ADH1A: variants seen among roughly 807,000 people sequenced by gnomAD.
ADH1A encodes the protein alcohol dehydrogenase 1A.
In ADH1A, 29 loss-of-function variants were observed where a neutral mutation model predicts 35.2. That is an observed-to-expected ratio of 0.82 (90% confidence interval 0.61 to 1.12). The LOEUF is 1.12. ADH1A is among the 50% of genes most tolerant of loss of function. The pLI is 0.00. For missense variants in ADH1A, 469 were observed against 464.7 expected (o/e 1.01, Z -0.09); for synonymous variants, 147 against 164.8 (o/e 0.89, Z 0.83).
At chr4:99,278,236 G>T (rs536185986) in intron 8 of ADH1A, among the ~76,000 whole-genome samples, 1 of 152,104 alleles carries the variant, frequency 6.6e-6, no homozygotes, top group African/African-American at 2.4e-5. Context: ...TGATGATCAC[G>T]ATGATGATGT....
rs1733096083 is a variant in ADH1A, at chr4:99,284,557, G to C, written c.409C>G (p.Pro137Ala). ...GTSRFTCRRK[P>A]IHHFLGISTF... is the part of the protein sequence containing the mutation. ...CTGATGCCAAGGAAGTGGTGGATGG[G>C]CTTCCTCCTGCAGGTGAACCTGCTG... Residue 137 changes from proline to alanine, a missense_variant, in exon 5 of 9, where the codon CCC becomes GCC. Coordinates refer to ENST00000209668, the MANE Select transcript of ADH1A (RefSeq NM_000667.4). 1 of 1,614,216 alleles carries C rather than the reference G, an allele frequency of 6.2e-7. No individual in the cohort carries two copies. Among genetic ancestry groups the C allele is most frequent in the Admixed American group, 1.7e-5 (1 of 60,032 alleles).
Position 99,280,178 on chromosome 4 carries a change from C to T in ADH1A, c.930G>A (p.Leu310=). ...TAGCTCCCTTCCAGGTACGTCCAGTCAGTAGCAGCATAGGGTTCATTGAGA... is the reference window on the plus strand; with the variant it reads ...TAGCTCCCTTCCAGGTACGTCCAGTTAGTAGCAGCATAGGGTTCATTGAGA... The part of the protein sequence containing the change: ...QNLSMNPMLL[L]TGRTWKGAIL... Residue 310 remains leucine, a synonymous_variant, in exon 7 of 9, where the codon CTG becomes CTA. Transcript: ENST00000209668. 1 of 1,613,844 alleles carries T rather than the reference C, an allele frequency of 6.2e-7. No homozygotes were observed. Among genetic ancestry groups the T allele is most frequent in the Non-Finnish European group, 8.5e-7 (1 of 1,179,814 alleles).
chr4:99,282,671 A>C, intron 5 of ADH1A, 65 bp from the exon 6 acceptor site: 1 of 1,557,992 alleles, frequency 6.4e-7, no homozygotes, highest in Non-Finnish European at 8.7e-7. Flanking sequence ...CTTAGTGTTT[A>C]TCAAAAGCTG....
In ADH1A at chr4:99,284,767, C is replaced by T; in HGVS notation, c.296G>A (p.Gly99Glu). ...KVIPLAIPQC[G>E]KCRICKNPES... is the part of the protein sequence containing the mutation. Reference sequence around the variant, plus strand: ...CGGGTTTTTACAAATTCTGCATTTTCCACACTGAGGAATAGCGAGTGGGAT... The same window carrying T: ...CGGGTTTTTACAAATTCTGCATTTTTCACACTGAGGAATAGCGAGTGGGAT... Residue 99 changes from glycine to glutamate, a missense_variant, in exon 4 of 9, where the codon GGA (glycine) becomes GAA (glutamate). Gly to Glu is a moderately conservative substitution (Grantham distance 98). Coordinates refer to ENST00000209668, the MANE Select transcript of ADH1A (RefSeq NM_000667.4). 2.5e-6 allele frequency: 4 copies of T among 1,614,176 alleles called. No individual in the cohort carries two copies. The highest frequency in any genetic ancestry group is 1.3e-5 in the African/African-American group (1 of 75,046).
chr4:99,290,958 T>G lies in ADH1A; in HGVS notation c.-44A>C. 2.5e-6 allele frequency: 4 copies of G among 1,611,336 alleles called. No individual in the cohort carries two copies. Among genetic ancestry groups the G allele is most frequent in the Non-Finnish European group, 3.4e-6 (4 of 1,177,548 alleles). On this transcript the variant is annotated 5_prime_UTR_variant, in exon 1 of 9. Coordinates refer to ENST00000209668, the MANE Select transcript of ADH1A (RefSeq NM_000667.4). ...GCAGACCAGGAGACTGGTGAGTCCT[T>G]GTGGATTTCTTCCCTGCTCAAGTGC... is the stretch of plus-strand genomic sequence containing the variant.
intron 8 of ADH1A, among the ~76,000 whole-genome samples, chr4:99,277,850 C>A (rs1022722773): frequency 6.6e-6 from 1 of 152,044 alleles, no homozygotes; most frequent in African/African-American, 2.4e-5. Flanking sequence ...AGTAAACATG[C>A]TGAAACACAT....
At chr4:99,281,999 A>G (rs12512053) in intron 6 of ADH1A, 24,864 of 275,896 alleles carry the variant, frequency 0.09, 1,612 homozygotes, top group Admixed American at 0.24. Flanking sequence ...AATGTGGCAG[A>G]AAAATAAAAC....
chr4:99,283,403 C>T (rs1579491478), intron 5 of ADH1A, among the ~76,000 whole-genome samples: 1 of 152,074 alleles, frequency 6.6e-6, no homozygotes, highest in Non-Finnish European at 1.5e-5. Flanking sequence ...TCCCATAGTC[C>T]GCCTTCATTT....
At chr4:99,279,143 G>A (rs1468090850) in intron 8 of ADH1A, among the ~76,000 whole-genome samples, 3 of 151,166 alleles carry the variant, frequency 2.0e-5, no homozygotes, top group African/African-American at 7.3e-5. Flanking sequence ...TTTTGGCAAA[G>A]GTGATTGTTC....
At position 99,282,978 on chromosome 4, in the gene ADH1A, C is replaced by T. The variant is rs141829150; in HGVS notation, c.568-372G>A. On this transcript the variant is annotated intron_variant, in intron 5 of 8. Transcript: ENST00000209668. ...GTGATTACAATCTTGAAGGGACTCT[C>T]GATTGCTGAAATCCCTTGATAGCCA... Among the ~76,000 whole-genome samples, 184 of 152,248 alleles carry T rather than the reference C, an allele frequency of 1.2e-3. 2 individuals carry two copies. Among genetic ancestry groups the T allele is most frequent in the African/African-American group, 4.0e-3 (166 of 41,552 alleles).
chr4:99,290,187 C>T (rs1398861828), intron 1 of ADH1A, among the ~76,000 whole-genome samples: 1 of 152,048 alleles, frequency 6.6e-6, no homozygotes, highest in South Asian at 2.1e-4. Context: ...AAGGCAAAAC[C>T]AAATATCTGT....
Position 99,284,614 on chromosome 4 carries a change from T to A in ADH1A, c.352A>T (p.Ser118Cys), listed in dbSNP as rs1304437183. The A allele has an allele frequency of 1.9e-6, 3 of 1,614,186 alleles. No individual in the cohort carries two copies. The Admixed American group carries it at 5.0e-5, about 27-fold the overall frequency. The change falls in exon 5 of 9, where the codon AGC becomes TGC. Residue 118 changes from serine (S) to cysteine (C), a missense_variant. Physicochemically the swap from Ser to Cys is moderately radical, Grantham distance 112. Transcript: ENST00000209668. Reference protein sequence around the residue: ...ESNYCLKNDVSNPQGTLQDGT... With the variant: ...ESNYCLKNDVCNPQGTLQDGT... ...TCCTGCAGGGTCCCCTGAGGATTGC[T>A]TACACTGGACAGTGCAATACAAAGA...
At chr4:99,287,009 G>A (rs1405950907) in intron 2 of ADH1A, 21 bp from the exon 3 acceptor site, 1 of 1,598,316 alleles carries the variant, frequency 6.3e-7, no homozygotes, top group Middle Eastern at 1.7e-4. Context: ...AAGAGAAGAT[G>A]TTTATAAAAG....
At chr4:99,284,278 CT>C in intron 5 of ADH1A, 120 bp downstream of exon 5, 1 of 1,077,426 alleles carries the variant, frequency 9.3e-7, no homozygotes, top group Non-Finnish European at 1.4e-6. Context: ...GATTGTGTTT[CT>C]ATTCTTAGTC....
intron 8 of ADH1A, among the ~76,000 whole-genome samples, chr4:99,277,919 G>A (rs1732908515): frequency 6.6e-6 from 1 of 151,956 alleles, no homozygotes; most frequent in Non-Finnish European, 1.5e-5. Context: ...TGGAATTGCT[G>A]GAACAAAAGA....
At chr4:99,288,537 A>G (rs1032879348) in intron 1 of ADH1A, 5 of 152,222 alleles carry the variant, frequency 3.3e-5, no homozygotes, top group African/African-American at 1.2e-4. Context: ...GTGGTTAAGC[A>G]TGTACAATTC....
At chr4:99,288,011 A>G (rs762141046) in intron 1 of ADH1A, among the ~76,000 whole-genome samples, 2 of 152,172 alleles carry the variant, frequency 1.3e-5, no homozygotes, top group Non-Finnish European at 2.9e-5. Flanking sequence ...ATTGGCTGGT[A>G]CATCAAATTC....
At position 99,284,812 on chromosome 4, in the gene ADH1A, G is replaced by A. The variant is rs1342054189; in HGVS notation, c.260-9C>T. The A allele has an allele frequency of 1.2e-6, 2 of 1,608,896 alleles. No individual in the cohort carries two copies. Among genetic ancestry groups the A allele is most frequent in the Admixed American group, 1.7e-5 (1 of 59,876 alleles). On this transcript the variant is annotated splice_polypyrimidine_tract_variant and intron_variant, in intron 3 of 8. Coordinates refer to ENST00000209668, the MANE Select transcript of ADH1A (RefSeq NM_000667.4). ...TGGGATGACTTTATCACCTGGAGAGGGATAAAACAAATTCTTTTACAATTT... is the reference window on the plus strand; with the variant it reads ...TGGGATGACTTTATCACCTGGAGAGAGATAAAACAAATTCTTTTACAATTT...
chr4:99,288,773 T>C (rs1333467986), intron 1 of ADH1A: 1 of 152,180 alleles, frequency 6.6e-6, no homozygotes, highest in Non-Finnish European at 1.5e-5. Context: ...AGGCACATTG[T>C]GGCCTGTGCT....
Sources: allele counts gnomAD v4.1 joint callset (sites outside exome capture counted in the v4.1 genomes callset), GRCh38; gene constraint gnomAD v4.1.1; transcripts MANE v1.5; gene names NCBI Gene and HGNC (gene_info 2026-07-23, HGNC 2026-07-21).